Variants in JAKMIP2 observed in about 807,000 individuals in gnomAD.
JAKMIP2 encodes the protein janus kinase and microtubule-interacting protein 2.
Under a neutral mutation model 115.0 loss-of-function variants are expected in JAKMIP2, and 25 were observed. The ratio of observed to expected loss-of-function variants is 0.22; its 90% confidence interval spans 0.16 to 0.30. JAKMIP2 has a LOEUF of 0.30. Ranked by LOEUF, JAKMIP2 falls within the 10% of genes least tolerant of loss-of-function variation. The pLI, the probability that JAKMIP2 is intolerant of heterozygous loss-of-function variation, is 1.00. For missense variants in JAKMIP2, 642 were observed against 957.6 expected (o/e 0.67, Z 4.35); for synonymous variants, 334 against 343.6 (o/e 0.97, Z 0.31).
At chr5:147,654,084 A>G (rs1234924729) in intron 3 of JAKMIP2, among the ~76,000 whole-genome samples, 1 of 151,854 alleles carries the variant, frequency 6.6e-6, no homozygotes, top group Non-Finnish European at 1.5e-5. Flanking sequence ...CTGTTTTGGT[A>G]CCAGTACTAT....
intron 1 of JAKMIP2, among the ~76,000 whole-genome samples, chr5:147,764,969 G>GGAGAGAGAGAGAGAGAGGGA (rs1755092822): frequency 1.2e-4 from 4 of 33,904 alleles, no homozygotes; most frequent in Non-Finnish European, 2.0e-4. Context: ...AGAGAGAGGG[G>GGAGAGAGAGAGAGAGAGGGA]GAGAGAGAGA....
intron 1 of JAKMIP2, among the ~76,000 whole-genome samples, chr5:147,710,921 A>C (rs1400592216): frequency 6.6e-6 from 1 of 152,196 alleles, no homozygotes; most frequent in Non-Finnish European, 1.5e-5. Context: ...GTAACAAATG[A>C]ATGTTTCTCA....
intron 21 of JAKMIP2, among the ~76,000 whole-genome samples, chr5:147,592,277 C>A (rs956838963): frequency 6.6e-6 from 1 of 152,120 alleles, no homozygotes; most frequent in African/African-American, 2.4e-5. Context: ...CTGTCTATTC[C>A]CTTCAGTGAC....
At chr5:147,739,786 C>T (rs138613049) in intron 1 of JAKMIP2, among the ~76,000 whole-genome samples, 99 of 152,056 alleles carry the variant, frequency 6.5e-4, no homozygotes, top group African/African-American at 2.2e-3. Flanking sequence ...AAATCAAGTT[C>T]TGAGCTCTGA....
At chr5:147,765,033 A>AG (rs1243249542) in intron 1 of JAKMIP2, among the ~76,000 whole-genome samples, 18 of 69,790 alleles carry the variant, frequency 2.6e-4, no homozygotes, top group East Asian at 3.8e-4. Context: ...AGAGAGAGAG[A>AG]AAGAAAGAAA....
At position 147,645,022 on chromosome 5, in the gene JAKMIP2, T is replaced by C. The variant is rs750107131; in HGVS notation, c.937-26A>G. On this transcript the variant is annotated intron_variant, in intron 5 of 21. Coordinates refer to ENST00000616793, the MANE Select transcript of JAKMIP2 (RefSeq NM_001270941.2). ...CTGGGAAGAAATAAGTGAAGATTTG[T>C]GTCTTGCGTTTGGGGGACGTGGGGG... The C allele has an allele frequency of 1.9e-6, 3 of 1,610,256 alleles. No individual in the cohort carries two copies. The Admixed American group carries it at 5.1e-5, about 27-fold the overall frequency.
chr5:147,772,683 A>G (rs991074781), intron 1 of JAKMIP2, among the ~76,000 whole-genome samples: 6 of 152,056 alleles, frequency 3.9e-5, no homozygotes, highest in African/African-American at 1.2e-4. Context: ...ACTCAGGTTT[A>G]CAAACACTTT....
chr5:147,782,467 C>A lies in JAKMIP2; in HGVS notation c.-160G>T. 6.5e-7 allele frequency: 1 copy of A among 1,535,986 alleles called. No individual in the cohort carries two copies. Among genetic ancestry groups the A allele is most frequent in the Non-Finnish European group, 8.7e-7 (1 of 1,146,830 alleles). On this transcript the variant is annotated 5_prime_UTR_variant, in exon 1 of 22. Transcript: ENST00000616793. ...TGTTTCCTACTCACCATGCTGAGACCCGGAGAAGCTGTTTAAAGGAGGGAG... is the reference window on the plus strand; with the variant it reads ...TGTTTCCTACTCACCATGCTGAGACACGGAGAAGCTGTTTAAAGGAGGGAG...
chr5:147,632,764 C>T lies in JAKMIP2; in HGVS notation c.1692G>A (p.Glu564=), dbSNP rs761278542. Residue 564 remains glutamate, a synonymous_variant, in exon 13 of 22, where the codon GAG becomes GAA. Coordinates refer to ENST00000616793, the MANE Select transcript of JAKMIP2 (RefSeq NM_001270941.2). ...QELLEKIEKQ[E]AENHRLQQEL... ...CTTGTTGTAACCGGTGATTTTCTGCCTCCTGTTTTTCTATCTAATAAAGTA... is the reference window on the plus strand; with the variant it reads ...CTTGTTGTAACCGGTGATTTTCTGCTTCCTGTTTTTCTATCTAATAAAGTA... 6.2e-7 allele frequency: 1 copy of T among 1,610,770 alleles called. No individual in the cohort carries two copies. The highest frequency in any genetic ancestry group is 2.2e-5 in the East Asian group (1 of 44,780).
chr5:147,604,800 TTTA>T (rs145441560), intron 20 of JAKMIP2, among the ~76,000 whole-genome samples: 11,590 of 143,342 alleles, frequency 0.081, 568 homozygotes, highest in East Asian at 0.17. Context: ...GGCCAGACAT[TTTA>T]TTATTATTAT....
intron 21 of JAKMIP2, among the ~76,000 whole-genome samples, chr5:147,601,076 G>A (rs758635129): frequency 3.3e-5 from 5 of 152,106 alleles, no homozygotes; most frequent in Non-Finnish European, 5.9e-5. Context: ...TCACTTTGCA[G>A]ATACAGATGC....
chr5:147,697,129 C>T (rs58280287), intron 1 of JAKMIP2, among the ~76,000 whole-genome samples: 8,340 of 152,144 alleles, frequency 0.055, 610 homozygotes, highest in East Asian at 0.33. Flanking sequence ...AAAAACATAC[C>T]TGAGACTGGG....
At chr5:147,753,191 C>T (rs935490395) in intron 1 of JAKMIP2, among the ~76,000 whole-genome samples, 3 of 152,148 alleles carry the variant, frequency 2.0e-5, no homozygotes, top group Non-Finnish European at 4.4e-5. Flanking sequence ...ATAGTAGAAG[C>T]TCAATAAATA....
At chr5:147,707,374 A>G (rs17497229) in intron 1 of JAKMIP2, among the ~76,000 whole-genome samples, 17,697 of 152,184 alleles carry the variant, frequency 0.12, 1,277 homozygotes, top group Middle Eastern at 0.18. Context: ...CGTAAGCACC[A>G]TATCTGTTAA....
At chr5:147,610,875 C>T (rs1756281649) in intron 20 of JAKMIP2, among the ~76,000 whole-genome samples, 1 of 152,246 alleles carries the variant, frequency 6.6e-6, no homozygotes. Context: ...TTCAGAGATG[C>T]TCTGCCCAGA....
chr5:147,725,064 G>A (rs1253745304), intron 1 of JAKMIP2, among the ~76,000 whole-genome samples: 5 of 152,012 alleles, frequency 3.3e-5, no homozygotes, highest in African/African-American at 1.2e-4. Flanking sequence ...AAACCAAGAT[G>A]GTGATGAAAG....
At position 147,653,472 on chromosome 5, in the gene JAKMIP2, C is replaced by T. The variant is rs2895692; in HGVS notation, c.628-2925G>A. 7.3e-3 allele frequency among the ~76,000 whole-genome samples: 1,089 copies of T among 148,552 alleles called. 12 individuals carry two copies. Among genetic ancestry groups the T allele is most frequent in the African/African-American group, 0.026 (1,035 of 39,744 alleles). ...TTCTCAAATAATCAGAGATGATGAG[C>T]TTTTTTTTTTCATGTTTGTTGGCCG... On this transcript the variant is annotated intron_variant, in intron 3 of 21. Transcript: ENST00000616793.
intron 1 of JAKMIP2, among the ~76,000 whole-genome samples, chr5:147,718,515 C>A (rs1362509817): frequency 6.6e-6 from 1 of 152,026 alleles, no homozygotes. Context: ...ATTATTGCCA[C>A]AATTTCAGAT....
At chr5:147,594,436 G>A (rs1755253016) in intron 21 of JAKMIP2, 1 of 455,438 alleles carries the variant, frequency 2.2e-6, no homozygotes, top group Non-Finnish European at 4.4e-6. Flanking sequence ...TGGGGCTTAA[G>A]CCATCCTTGC....
Sources: gnomAD v4.1 joint callset for allele counts (sites outside exome capture counted in the v4.1 genomes callset) on GRCh38, gnomAD v4.1.1 for gene constraint, MANE v1.5 for transcripts, NCBI Gene and HGNC (gene_info 2026-07-23, HGNC 2026-07-21) for gene names.